The following TRIT1 variants were observed in gnomAD, a reference collection of about 807,000 sequenced individuals.
TRIT1 encodes the protein tRNA dimethylallyltransferase.
Under a neutral mutation model 51.2 loss-of-function variants are expected in TRIT1, and 43 were observed. The observed-to-expected ratio is 0.84, with a 90% CI of 0.66 to 1.08. The LOEUF (loss-of-function observed/expected upper bound fraction) is 1.08, where lower values mean the gene tolerates loss of function less well. TRIT1 is among the 50% of genes least tolerant of loss of function. The probability of loss-of-function intolerance (pLI) is 0.00; values close to 1 mark genes in which losing one functional copy is unlikely to be tolerated. For synonymous variants in TRIT1, 184 were observed against 203.9 expected, an observed-to-expected ratio of 0.90 and a Z score of 0.83; for missense variants, 528 against 578.4, an observed-to-expected ratio of 0.91 and a Z score of 0.89.
Position 39,852,962 on chromosome 1 carries a change from T to C in TRIT1, c.415-86A>G, listed in dbSNP as rs994368005. On this transcript the variant is annotated intron_variant, in intron 3 of 10. Transcript: ENST00000316891. ...CAGGCACTTTGCTAACTGTCAGGAATACAGAATAATCAGAAGATCTTGCCA... is the reference window on the plus strand; with the variant it reads ...CAGGCACTTTGCTAACTGTCAGGAACACAGAATAATCAGAAGATCTTGCCA... 2.4e-5 allele frequency: 34 copies of C among 1,410,436 alleles called. No individual in the cohort carries two copies. The Middle Eastern group carries it at 7.3e-4, about 30-fold the overall frequency. The allele number at this position is 1,410,436 out of a possible 1,614,324, so 87.4% of individuals were successfully genotyped here. A position where few individuals can be genotyped will look rare whatever the true frequency, so the allele number is the denominator to read the frequency against.
intron 1 of TRIT1, among the ~76,000 whole-genome samples, chr1:39,873,192 G>A (rs114263539): frequency 0.034 from 5,123 of 152,182 alleles, 142 homozygotes; most frequent in Non-Finnish European, 0.045. Context: ...GAGAAAAATC[G>A]TGACTTTTTC....
At chr1:39,880,824 T>A (rs61781268) in intron 1 of TRIT1, among the ~76,000 whole-genome samples, 4 of 149,492 alleles carry the variant, frequency 2.7e-5, no homozygotes, top group African/African-American at 9.8e-5. Context: ...AGAAAAAAGA[T>A]AGAAACATTT....
intron 1 of TRIT1, among the ~76,000 whole-genome samples, chr1:39,877,019 CAAAAAAAAAAAAA>C (rs529375001): frequency 1.3e-5 from 1 of 74,602 alleles, no homozygotes; most frequent in Non-Finnish European, 2.5e-5. Context: ...AATGGGTCTT[CAAAAAAAAAAAAA>C]AAAAAAAAAA....
intron 8 of TRIT1, among the ~76,000 whole-genome samples, chr1:39,846,352 C>G (rs1322885718): frequency 2.6e-5 from 4 of 152,120 alleles, no homozygotes; most frequent in Non-Finnish European, 5.9e-5. Context: ...AAGGTAAACA[C>G]AAGATGATTC....
chr1:39,877,551 G>A (rs931975131), intron 1 of TRIT1, among the ~76,000 whole-genome samples: 6 of 152,066 alleles, frequency 3.9e-5, no homozygotes, highest in Non-Finnish European at 8.8e-5. Context: ...CTATAAACCC[G>A]AACAGAACAC....
intron 1 of TRIT1, among the ~76,000 whole-genome samples, chr1:39,865,100 A>G (rs1643462122): frequency 6.6e-6 from 1 of 151,990 alleles, no homozygotes; most frequent in Non-Finnish European, 1.5e-5. Flanking sequence ...ATTAATGAAC[A>G]CTGACTGCCA....
rs530804510 is a variant in TRIT1, at chr1:39,875,202, T to C, written c.174+8116A>G. ...CCACCCAGTTACTTCATAAAATAGA[T>C]TTACAGGCCAGGTGCAGTGGCTCAC... On this transcript the variant is annotated intron_variant, in intron 1 of 10. Transcript: ENST00000316891. 3.9e-5 allele frequency among the ~76,000 whole-genome samples: 6 copies of C among 152,200 alleles called. No individual in the cohort carries two copies. The South Asian group carries it at 8.3e-4, about 21-fold the overall frequency.
intron 1 of TRIT1, among the ~76,000 whole-genome samples, chr1:39,875,269 C>T (rs1644012379): frequency 6.6e-6 from 1 of 152,018 alleles, no homozygotes; most frequent in Non-Finnish European, 1.5e-5. Flanking sequence ...GTGGGCAGAT[C>T]ACGAGGTCAG....
At position 39,883,390 on chromosome 1, in the gene TRIT1, G is replaced by C. The variant is rs745453248; in HGVS notation, c.102C>G (p.Thr34=). 1 of 1,613,598 alleles carries C rather than the reference G, an allele frequency of 6.2e-7. No homozygotes were observed. The highest frequency in any genetic ancestry group is 8.5e-7 in the Non-Finnish European group (1 of 1,179,876). The change falls in exon 1 of 11, where the codon ACC becomes ACG. Residue 34 remains threonine, a synonymous_variant. Transcript: ENST00000316891. ...GCTGCAACGCCAGCGTGGATTTGCC[G>C]GTGCCCGTGGCCCCGAGAATCACTA... ...PLVVILGATG[T]GKSTLALQLG...
Position 39,854,086 on chromosome 1 carries a change from T to A in TRIT1, c.316-18A>T, listed in dbSNP as rs748550634. On this transcript the variant is annotated intron_variant, in intron 2 of 10. Transcript: ENST00000316891. The stretch of plus-strand genomic sequence containing the variant: ...TCTTCAATGTGAACATTAAGAAAGA[T>A]ATCACGATATCAAGAGAATCCTGAC... 1 of 1,528,150 alleles carries A rather than the reference T, an allele frequency of 6.5e-7. No homozygotes were observed. Among genetic ancestry groups the A allele is most frequent in the East Asian group, 2.3e-5 (1 of 44,388 alleles). 94.7% of individuals were successfully genotyped at this position (1,528,150 alleles called of 1,614,324 possible). A position where few individuals can be genotyped will look rare whatever the true frequency, so the allele number is the denominator to read the frequency against.
intron 1 of TRIT1, among the ~76,000 whole-genome samples, chr1:39,876,556 C>CTATCTATA (rs1484276223): frequency 7.1e-6 from 1 of 141,318 alleles, no homozygotes; most frequent in African/African-American, 3.0e-5. Context: ...ATCTATCTAT[C>CTATCTATA]TATATATATA....
intron 8 of TRIT1, 104 bp downstream of exon 8, chr1:39,847,116 C>A: frequency 1.1e-6 from 1 of 915,826 alleles, no homozygotes; most frequent in East Asian, 2.5e-5. Flanking sequence ...GATCCAAAAT[C>A]TTAGAACAGG....
At position 39,850,189 on chromosome 1, in the gene TRIT1, A is replaced by G. The variant is rs1039399054; in HGVS notation, c.633T>C (p.Gly211=). The G allele has an allele frequency of 9.3e-6, 15 of 1,614,030 alleles. No individual in the cohort carries two copies. In the Admixed American group the frequency reaches 1.0e-4, roughly 11 times the overall value. ...EFLHRQHTEE[G]GGPLGGPLKF... ...TCAGAGGACCTCCAAGGGGACCACC[A>G]CCTTCTTCCGTATGTTGACGATGGA... The change falls in exon 5 of 11, where the codon GGT becomes GGC. Residue 211 remains glycine (G), a synonymous_variant. Transcript: ENST00000316891.
intron 1 of TRIT1, among the ~76,000 whole-genome samples, chr1:39,878,603 T>G (rs534224667): frequency 1.3e-3 from 192 of 152,320 alleles, no homozygotes; most frequent in South Asian, 0.011. Context: ...ATGCAAATAT[T>G]GGTTTTAAAA....
chr1:39,848,204 G>A (rs1442459030), intron 5 of TRIT1, 107 bp from the exon 6 acceptor site: 19 of 759,382 alleles, frequency 2.5e-5, no homozygotes, highest in Middle Eastern at 2.3e-4. Context: ...TTGTCCAAAC[G>A]GAAGAAAGAA....
intron 1 of TRIT1, among the ~76,000 whole-genome samples, chr1:39,880,756 G>A (rs185836966): frequency 2.7e-5 from 4 of 150,448 alleles, no homozygotes; most frequent in African/African-American, 4.9e-5. Flanking sequence ...CAGAGATTGC[G>A]CCACTGCACT....
chr1:39,869,702 C>T (rs1643770941), intron 1 of TRIT1, among the ~76,000 whole-genome samples: 2 of 151,332 alleles, frequency 1.3e-5, no homozygotes, highest in East Asian at 1.9e-4. Flanking sequence ...GTGAGGAGCG[C>T]CTCTGCCCAG....
intron 1 of TRIT1, among the ~76,000 whole-genome samples, chr1:39,866,446 T>C (rs59523475): frequency 0.11 from 16,393 of 152,278 alleles, 1,477 homozygotes; most frequent in African/African-American, 0.25. Flanking sequence ...CACTGGGAAG[T>C]TGATTTTCCT....
In TRIT1 at chr1:39,883,326, A is replaced by C; in HGVS notation, c.166T>G (p.Ser56Ala). 1 of 1,606,946 alleles carries C rather than the reference A, an allele frequency of 6.2e-7. No individual in the cohort carries two copies. Among genetic ancestry groups the C allele is most frequent in the Non-Finnish European group, 8.5e-7 (1 of 1,177,308 alleles). The change falls in exon 1 of 11, where the codon TCC (serine) becomes GCC (alanine). Residue 56 changes from serine (S) to alanine (A), a missense_variant. Physicochemically the swap from Ser to Ala is moderately conservative, Grantham distance 99. Coordinates refer to ENST00000316891, the MANE Select transcript of TRIT1 (RefSeq NM_017646.6). ...CAGCCGCACTGCCATACCTGCATGG[A>C]GTCAGCGCTGACGATCTCACCGCCG... is the stretch of plus-strand genomic sequence containing the variant. The part of the protein sequence containing the change: ...RLGGEIVSAD[S>A]MQVYEGLDII...
Sources: allele counts gnomAD v4.1 joint callset (sites outside exome capture counted in the v4.1 genomes callset), GRCh38; gene constraint gnomAD v4.1.1; transcripts MANE v1.5; gene names NCBI Gene and HGNC (gene_info 2026-07-23, HGNC 2026-07-21).